KIF26B: variants seen among roughly 807,000 people sequenced by gnomAD.
KIF26B encodes the protein kinesin family member 26B, also known as kinesin-like protein KIF26B.
In KIF26B, 63 loss-of-function variants were observed where a neutral mutation model predicts 151.2. That is an observed-to-expected ratio of 0.42 (90% CI 0.34 to 0.51). The LOEUF (loss-of-function observed/expected upper bound fraction) is 0.51, where lower values mean the gene tolerates loss of function less well. KIF26B is among the 20% of genes least tolerant of loss of function. KIF26B has a pLI of 0.07. For synonymous variants in KIF26B, 1,357 were observed against 1,262.1 expected (o/e 1.08, Z -1.59); for missense variants, 2,813 against 2,913.6 (o/e 0.97, Z 0.79).
At chr1:245,522,838 C>T (rs74677752) in intron 4 of KIF26B, among the ~76,000 whole-genome samples, 1 of 152,300 alleles carries the variant, frequency 6.6e-6, no homozygotes, top group East Asian at 1.9e-4. Flanking sequence ...GCAGGGCTTA[C>T]AGCAAAGGCA....
intron 4 of KIF26B, among the ~76,000 whole-genome samples, chr1:245,422,841 G>C (rs934167397): frequency 5.3e-5 from 8 of 152,088 alleles, no homozygotes; most frequent in Non-Finnish European, 1.2e-4. Flanking sequence ...GCTCACGCCT[G>C]TAATCCCAGT....
At chr1:245,621,850 A>G (rs956302040) in intron 9 of KIF26B, among the ~76,000 whole-genome samples, 2 of 152,208 alleles carry the variant, frequency 1.3e-5, no homozygotes, top group African/African-American at 4.8e-5. Context: ...CAGAGAGTAG[A>G]TTTTCCATTG....
At chr1:245,473,629 G>A (rs576794118) in intron 4 of KIF26B, among the ~76,000 whole-genome samples, 13 of 152,002 alleles carry the variant, frequency 8.6e-5, no homozygotes, top group East Asian at 3.9e-4. Context: ...CTCAGTGCCC[G>A]CAACTGTTAT....
At position 245,702,453 on chromosome 1, in the gene KIF26B, T is replaced by C; in HGVS notation, c.6179-5T>C. 1 of 1,613,898 alleles carries C rather than the reference T, an allele frequency of 6.2e-7. No homozygotes were observed. Among genetic ancestry groups the C allele is most frequent in the Non-Finnish European group, 8.5e-7 (1 of 1,179,846 alleles). On this transcript the variant is annotated splice_region_variant and splice_polypyrimidine_tract_variant and intron_variant, in intron 14 of 14. Coordinates refer to ENST00000407071, the MANE Select transcript of KIF26B (RefSeq NM_018012.4). The surrounding 1 kb of genome is among the most constrained non-coding windows in gnomAD (Gnocchi z 4.1). The stretch of plus-strand genomic sequence containing the variant: ...CGTCTCCATCAGGCTCTTCCTCTCT[T>C]GCAGTTGACTTGGAGCAGGTTTGGG...
intron 2 of KIF26B, among the ~76,000 whole-genome samples, chr1:245,312,556 G>T (rs1671683608): frequency 6.6e-6 from 1 of 151,282 alleles, no homozygotes; most frequent in Non-Finnish European, 1.5e-5. Flanking sequence ...CACAGGAGTG[G>T]TACCTTGCCT....
rs923680220 is a variant in KIF26B at position 245,457,067 on chromosome 1, C to T, written c.1166+37322C>T. On this transcript the variant is annotated intron_variant, in intron 4 of 14. Transcript: ENST00000407071. Reference sequence around the variant, plus strand: ...TTTTAGTAGAGATGGGGTTTCACCACGTTGGCCAGGCTGGGCTCGAACTCC... The same window carrying T: ...TTTTAGTAGAGATGGGGTTTCACCATGTTGGCCAGGCTGGGCTCGAACTCC... 3.9e-5 allele frequency among the ~76,000 whole-genome samples: 6 copies of T among 152,222 alleles called. No homozygotes were observed. In the East Asian group the frequency reaches 9.7e-4, roughly 25 times the overall value.
chr1:245,666,206 T>TA (rs1445224646), intron 10 of KIF26B, among the ~76,000 whole-genome samples: 1 of 152,096 alleles, frequency 6.6e-6, no homozygotes, highest in East Asian at 1.9e-4. Context: ...TTCACCATAT[T>TA]GGCCAGGCTG....
intron 4 of KIF26B, among the ~76,000 whole-genome samples, chr1:245,456,970 A>G (rs1659546840): frequency 6.6e-6 from 1 of 152,142 alleles, no homozygotes; most frequent in Non-Finnish European, 1.5e-5. Context: ...GGTTCAAGCG[A>G]TTCTCCTGCC....
intron 2 of KIF26B, among the ~76,000 whole-genome samples, chr1:245,315,857 ACTGC>A: frequency 6.6e-6 from 1 of 152,314 alleles, no homozygotes; most frequent in East Asian, 1.9e-4. Context: ...GTGCCACTGC[ACTGC>A]AGCCTGGGCA....
intron 4 of KIF26B, among the ~76,000 whole-genome samples, chr1:245,520,607 C>CCATCCAT (rs1558197351): frequency 3.5e-3 from 373 of 107,528 alleles, no homozygotes; most frequent in Non-Finnish European, 3.0e-3. Context: ...CATCCACCCA[C>CCATCCAT]CCACCCATCC....
intron 2 of KIF26B, among the ~76,000 whole-genome samples, chr1:245,237,952 G>A (rs534719887): frequency 1.6e-4 from 24 of 152,076 alleles, no homozygotes; most frequent in African/African-American, 4.8e-4. Context: ...CTTGAGCCCC[G>A]GAGGTCGAGG....
chr1:245,684,416 G>T (rs762005449), intron 11 of KIF26B, 21 bp downstream of exon 11: 5 of 1,561,248 alleles, frequency 3.2e-6, no homozygotes, highest in Non-Finnish European at 4.4e-6. Context: ...CGCGGGGTGG[G>T]GGGGTGGTGG....
At chr1:245,328,996 A>C (rs571317667) in intron 2 of KIF26B, among the ~76,000 whole-genome samples, 1 of 152,250 alleles carries the variant, frequency 6.6e-6, no homozygotes, top group South Asian at 2.1e-4. Flanking sequence ...ATTTTCTGTC[A>C]TTTTGTAGTT....
rs1237227586 is a variant in KIF26B, at chr1:245,564,655, G to A, written c.1350+23705G>A. On this transcript the variant is annotated intron_variant, in intron 5 of 14. Transcript: ENST00000407071. This position sits in a 1 kb window ranked among gnomAD's most constrained non-coding sequence, Gnocchi z 4.6. ...CCAGCACAGCAAATGGCACAGACTC[G>A]AGGGAATGTTTTCCTTCCGGAACAA... 6.6e-6 allele frequency among the ~76,000 whole-genome samples: 1 copy of A among 152,138 alleles called. No homozygotes were observed.
intron 10 of KIF26B, among the ~76,000 whole-genome samples, chr1:245,655,768 G>A (rs2044066312): frequency 2.0e-5 from 3 of 152,234 alleles, no homozygotes; most frequent in South Asian, 4.1e-4. Context: ...CAGCCGGAGA[G>A]GTGGTATGTT....
At chr1:245,534,851 C>T (rs1404261420) in intron 4 of KIF26B, among the ~76,000 whole-genome samples, 3 of 150,590 alleles carry the variant, frequency 2.0e-5, no homozygotes, top group Non-Finnish European at 2.9e-5. Context: ...AGCACGATCT[C>T]GGCTCACTGC....
chr1:245,484,830 G>A (rs937989168), intron 4 of KIF26B, among the ~76,000 whole-genome samples: 1 of 151,336 alleles, frequency 6.6e-6, no homozygotes, highest in Non-Finnish European at 1.5e-5. Context: ...TCCCAAGAGA[G>A]TCGATTTGTG....
chr1:245,637,380 T>C (rs535751522), intron 9 of KIF26B, among the ~76,000 whole-genome samples: 1 of 152,164 alleles, frequency 6.6e-6, no homozygotes, highest in South Asian at 2.1e-4. Context: ...TTTTGGCCCA[T>C]TGAGTTGTTT....
At chr1:245,391,974 G>A (rs539013419) in intron 3 of KIF26B, among the ~76,000 whole-genome samples, 1 of 151,884 alleles carries the variant, frequency 6.6e-6, no homozygotes, top group South Asian at 2.1e-4. Context: ...TAACTCCTAT[G>A]CTGGAACATT....
Sources: allele counts gnomAD v4.1 joint callset (sites outside exome capture counted in the v4.1 genomes callset), GRCh38; gene constraint gnomAD v4.1.1; non-coding constraint Gnocchi (gnomAD v3.1); transcripts MANE v1.5; gene names NCBI Gene and HGNC (gene_info 2026-07-23, HGNC 2026-07-21).